The following TECPR1 variants were observed in gnomAD, a reference collection of about 807,000 sequenced individuals.
TECPR1 encodes the protein tectonin beta-propeller repeat-containing protein 1.
Under a neutral mutation model 162.4 loss-of-function variants are expected in TECPR1, and 122 were observed. The ratio of observed to expected loss-of-function variants is 0.75; its 90% CI spans 0.65 to 0.87. TECPR1 has a LOEUF of 0.87. Ranked by LOEUF, TECPR1 falls within the 40% of genes least tolerant of loss-of-function variation. The pLI is 0.00. For missense variants in TECPR1, 1,432 were observed against 1,618.2 expected (o/e 0.88, Z 1.97); for synonymous variants, 642 against 670.6 (o/e 0.96, Z 0.66).
chr7:98,233,932 AC>A, intron 10 of TECPR1, 21 bp from the exon 11 acceptor site: 2 of 1,502,236 alleles, frequency 1.3e-6, no homozygotes, highest in South Asian at 1.3e-5. Context: ...ATCAGGGCAG[AC>A]CCATCACTCC....
At chr7:98,224,590 C>A (rs1457446461) in intron 19 of TECPR1, among the ~76,000 whole-genome samples, 3 of 152,182 alleles carry the variant, frequency 2.0e-5, no homozygotes, top group Admixed American at 1.3e-4. Flanking sequence ...CCAGGGGTGC[C>A]ACGTGTGCAG....
Position 98,236,781 on chromosome 7 carries a change from G to T in TECPR1, c.1176C>A (p.Leu392=). ...ACCCTGCCACCCCCAGTCACCTGAG[G>T]AGACTAGACGAGCTGCCAGAGTGTG... The part of the protein sequence containing the change: ...DRSHSGSSSS[L]LSAGCFFGDE... Residue 392 remains leucine (L), a synonymous_variant, in exon 10 of 26, where the codon CTC becomes CTA. Coordinates refer to ENST00000447648, the MANE Select transcript of TECPR1 (RefSeq NM_015395.3). 1 of 1,594,386 alleles carries T rather than the reference G, an allele frequency of 6.3e-7. No homozygotes were observed. The highest frequency in any genetic ancestry group is 2.3e-5 in the East Asian group (1 of 43,718).
chr7:98,239,652 G>T (rs879507918), intron 8 of TECPR1, among the ~76,000 whole-genome samples: 6 of 152,234 alleles, frequency 3.9e-5, no homozygotes, highest in Admixed American at 3.3e-4. Flanking sequence ...TGGTCTCTGG[G>T]AAGTGGGGTG....
chr7:98,247,337 C>T (rs1368354366), intron 2 of TECPR1, among the ~76,000 whole-genome samples: 2 of 151,894 alleles, frequency 1.3e-5, no homozygotes, highest in Non-Finnish European at 2.9e-5. Flanking sequence ...GACAGAGTCT[C>T]ACTATGTTGC....
At chr7:98,235,851 A>C (rs1444903565) in intron 10 of TECPR1, among the ~76,000 whole-genome samples, 2 of 147,278 alleles carry the variant, frequency 1.4e-5, no homozygotes, top group South Asian at 2.2e-4. Flanking sequence ...AAAAAAAAAA[A>C]CACCATCTGA....
chr7:98,233,464 C>A lies in TECPR1; in HGVS notation c.1629G>T (p.Val543=). ...LWAWVSGGGC[V]VEACAMPRWF... ...ATCTGGGCATGGCACATGCCTCCAC[C>A]ACGCAGCCGCCTCCCGACACCCAGG... The change falls in exon 11 of 26, where the codon GTG becomes GTT. Residue 543 remains valine (V), a synonymous_variant. Coordinates refer to ENST00000447648, the MANE Select transcript of TECPR1 (RefSeq NM_015395.3). The A allele has an allele frequency of 6.8e-7, 1 of 1,477,322 alleles. No individual in the cohort carries two copies. The highest frequency in any genetic ancestry group is 1.4e-5 in the South Asian group (1 of 70,030). 91.5% of individuals were successfully genotyped at this position (1,477,322 alleles called of 1,614,324 possible).
At chr7:98,220,306 T>C (rs532483609) in intron 23 of TECPR1, among the ~76,000 whole-genome samples, 29 of 152,118 alleles carry the variant, frequency 1.9e-4, no homozygotes, top group African/African-American at 6.7e-4. Context: ...ATCATGTCAC[T>C]GTACTCTAGC....
chr7:98,247,899 T>A (rs1292185311), intron 2 of TECPR1, among the ~76,000 whole-genome samples: 2 of 151,834 alleles, frequency 1.3e-5, no homozygotes, highest in African/African-American at 4.8e-5. Flanking sequence ...ATTTTTAAAA[T>A]TTTTTTTGTA....
rs569969761 is a variant in TECPR1 at position 98,249,767 on chromosome 7, C to T, written c.-20+1627G>A. ...GAGTTTGAGACCAGCCTGGCCAACACGGTGAAACCCGTCTCTACTAAAACT... is the reference window on the plus strand; with the variant it reads ...GAGTTTGAGACCAGCCTGGCCAACATGGTGAAACCCGTCTCTACTAAAACT... On this transcript the variant is annotated intron_variant, in intron 2 of 25. Coordinates refer to ENST00000447648, the MANE Select transcript of TECPR1 (RefSeq NM_015395.3). Among the ~76,000 whole-genome samples the T allele has an allele frequency of 3.0e-4, 45 of 152,230 alleles. 1 individual carries two copies. The highest frequency in any genetic ancestry group is 2.6e-3 in the Admixed American group (39 of 15,280).
intron 15 of TECPR1, among the ~76,000 whole-genome samples, chr7:98,230,006 T>C (rs183880198): frequency 0.012 from 1,772 of 150,288 alleles, 32 homozygotes; most frequent in African/African-American, 0.041. Context: ...TTTTTTTTTT[T>C]CTGAGACAGG....
rs763015915 is a variant in TECPR1, at chr7:98,221,695, C to T, written c.3123G>A (p.Ala1041=). ...CCAGGGCATACACCGACGTCTGCCC[C>T]GCGGACACCTGCTTCAGCCTCTGTC... ...PPRQRLKQVS[A]GQTSVYALDE... is the part of the protein sequence containing the mutation. Residue 1041 remains alanine (A), a synonymous_variant, in exon 23 of 26, where the codon GCG becomes GCA. Transcript: ENST00000447648. The T allele has an allele frequency of 7.4e-6, 12 of 1,613,176 alleles. No individual in the cohort carries two copies. Among genetic ancestry groups the T allele is most frequent in the East Asian group, 2.2e-5 (1 of 44,858 alleles).
intron 18 of TECPR1, 34 bp from the exon 19 acceptor site, chr7:98,224,914 C>T (rs1798239342): frequency 6.4e-7 from 1 of 1,552,232 alleles, no homozygotes; most frequent in Non-Finnish European, 8.7e-7. Flanking sequence ...ATGGGACCCC[C>T]CGAATCCAGA....
intron 21 of TECPR1, 183 bp downstream of exon 21, chr7:98,222,807 C>T: frequency 1.1e-6 from 1 of 889,492 alleles, no homozygotes; most frequent in Non-Finnish European, 1.7e-6. Context: ...CTTGGCCCAC[C>T]TCTGTCACCC....
At chr7:98,235,639 A>G (rs991472511) in intron 10 of TECPR1, among the ~76,000 whole-genome samples, 14 of 150,158 alleles carry the variant, frequency 9.3e-5, no homozygotes, top group African/African-American at 3.4e-4. Flanking sequence ...GTTCAAGCCT[A>G]GCCAACATGG....
intron 2 of TECPR1, among the ~76,000 whole-genome samples, chr7:98,247,898 A>T (rs1798953211): frequency 6.6e-6 from 1 of 151,064 alleles, no homozygotes; most frequent in South Asian, 2.1e-4. Context: ...AATTTTTAAA[A>T]TTTTTTTTGT....
chr7:98,238,819 G>A (rs1352566880), intron 8 of TECPR1, among the ~76,000 whole-genome samples: 1 of 152,208 alleles, frequency 6.6e-6, no homozygotes, highest in Non-Finnish European at 1.5e-5. Flanking sequence ...GCCTGGCACT[G>A]TCCCACGAGG....
intron 22 of TECPR1, 120 bp from the exon 23 acceptor site, chr7:98,221,873 C>A: frequency 1.3e-6 from 1 of 742,090 alleles, no homozygotes; most frequent in East Asian, 2.7e-5. Flanking sequence ...AGCTGTGTGC[C>A]ACACAGAGCT....
intron 20 of TECPR1, among the ~76,000 whole-genome samples, 199 bp downstream of exon 20, chr7:98,223,463 C>T (rs546226558): frequency 7.2e-5 from 11 of 152,128 alleles, no homozygotes; most frequent in African/African-American, 1.2e-4. Flanking sequence ...CAGAGAGCAC[C>T]GGGAGCCTGC....
intron 17 of TECPR1, among the ~76,000 whole-genome samples, chr7:98,227,336 G>T (rs1382133438): frequency 1.3e-5 from 2 of 149,528 alleles, no homozygotes; most frequent in Non-Finnish European, 3.0e-5. Flanking sequence ...AGGTTGCAGT[G>T]AGCCAAGATC....
Sources: allele counts gnomAD v4.1 joint callset (sites outside exome capture counted in the v4.1 genomes callset), GRCh38; gene constraint gnomAD v4.1.1; transcripts MANE v1.5; gene names NCBI Gene and HGNC (gene_info 2026-07-23, HGNC 2026-07-21).